Variants in ATP2A2 observed in about 807,000 individuals in gnomAD.
ATP2A2 encodes ATPase sarcoplasmic/endoplasmic reticulum Ca2+ transporting 2.
A neutral mutation model predicts 109.3 loss-of-function variants in ATP2A2; 14 were observed. The ratio of observed to expected loss-of-function variants is 0.13; its 90% CI spans 0.08 to 0.20. The LOEUF (loss-of-function observed/expected upper bound fraction) is 0.20, where lower values mean the gene tolerates loss of function less well. Ranked by LOEUF, ATP2A2 falls within the 10% of genes least tolerant of loss-of-function variation. The pLI is 1.00. For synonymous variants in ATP2A2, 506 were observed against 490.9 expected (o/e 1.03, Z -0.41); for missense variants, 657 against 1,321.6 (o/e 0.50, Z 7.80).
Position 110,327,990 on chromosome 12 carries a change from T to C in ATP2A2, c.1068T>C (p.Leu356=). The stretch of plus-strand genomic sequence containing the variant: ...TCTGCTCAGACAAGACTGGTACACT[T>C]ACAACAAACCAGATGTCAGTCTGCA... The part of the protein sequence containing the change: ...SVICSDKTGT[L]TTNQMSVCRM... The change falls in exon 8 of 20, where the codon CTT becomes CTC. Residue 356 remains leucine (L), a synonymous_variant. Coordinates refer to ENST00000539276, the MANE Select transcript of ATP2A2 (RefSeq NM_170665.4). The surrounding 1 kb of genome is among the most constrained non-coding windows in gnomAD (Gnocchi z 4.4). The C allele has an allele frequency of 6.2e-7, 1 of 1,613,992 alleles. No homozygotes were observed. Among genetic ancestry groups the C allele is most frequent in the South Asian group, 1.1e-5 (1 of 91,076 alleles).
chr12:110,333,766 GTGTT>G (rs1437401105), intron 10 of ATP2A2, among the ~76,000 whole-genome samples: 6 of 152,114 alleles, frequency 3.9e-5, no homozygotes, highest in African/African-American at 7.2e-5. Flanking sequence ...AATAAATACT[GTGTT>G]TGATGTCATC....
intron 11 of ATP2A2, among the ~76,000 whole-genome samples, chr12:110,338,460 C>A (rs1472672353): frequency 6.6e-6 from 1 of 152,094 alleles, no homozygotes; most frequent in Non-Finnish European, 1.5e-5. Context: ...TCCCTTCAGC[C>A]AATGCTTTTG....
At chr12:110,295,508 G>C (rs968336542) in intron 4 of ATP2A2, among the ~76,000 whole-genome samples, 1 of 152,190 alleles carries the variant, frequency 6.6e-6, no homozygotes, top group Non-Finnish European at 1.5e-5. Context: ...TGGGATATTT[G>C]TTTAACCTTG....
At chr12:110,300,417 C>G (rs1282489972) in intron 5 of ATP2A2, among the ~76,000 whole-genome samples, 1 of 143,562 alleles carries the variant, frequency 7.0e-6, no homozygotes, top group Admixed American at 7.2e-5. Flanking sequence ...TGCAGTGGCA[C>G]GATTGCGGCC....
intron 4 of ATP2A2, among the ~76,000 whole-genome samples, chr12:110,293,231 A>G (rs1873514814): frequency 6.6e-6 from 1 of 151,756 alleles, no homozygotes; most frequent in Non-Finnish European, 1.5e-5. Context: ...ACCTGACACC[A>G]CACCCAGCTA....
Position 110,281,422 on chromosome 12 carries a change from C to T in ATP2A2, c.-368C>T, listed in dbSNP as rs992003160. On this transcript the variant is annotated 5_prime_UTR_variant, in exon 1 of 20. Coordinates refer to ENST00000539276, the MANE Select transcript of ATP2A2 (RefSeq NM_170665.4). ...CCCTCAGTGGTCTGCCGGGCGCCCC[C>T]TCCTCCGGCCCGGGCGGGGCCTCTG... The T allele has an allele frequency of 2.6e-5, 4 of 152,484 alleles. No individual in the cohort carries two copies. Among genetic ancestry groups the T allele is most frequent in the Admixed American group, 6.6e-5 (1 of 15,260 alleles). 9.4% of individuals were successfully genotyped at this position (152,484 alleles called of 1,614,324 possible).
At chr12:110,338,160 C>T (rs1200318899) in intron 11 of ATP2A2, among the ~76,000 whole-genome samples, 1 of 152,230 alleles carries the variant, frequency 6.6e-6, no homozygotes, top group African/African-American at 2.4e-5. Context: ...TAGTCCTCAG[C>T]CATTTCTGTC....
chr12:110,343,083 T>A, intron 15 of ATP2A2, 149 bp from the exon 16 acceptor site: 1 of 862,854 alleles, frequency 1.2e-6, no homozygotes, highest in Non-Finnish European at 1.9e-6. Flanking sequence ...AAATTGAGCT[T>A]TAATTCAAAA....
At position 110,344,871 on chromosome 12, in the gene ATP2A2, T is replaced by C. The variant is rs1879694180; in HGVS notation, c.2522-15T>C. 1.2e-6 allele frequency: 2 copies of C among 1,613,872 alleles called. No homozygotes were observed. The highest frequency in any genetic ancestry group is 1.3e-5 in the African/African-American group (1 of 74,916). On this transcript the variant is annotated splice_polypyrimidine_tract_variant and intron_variant, in intron 16 of 19. Transcript: ENST00000539276. ...GCAGAGGCAAGTGCATCAGCATCAC[T>C]GTGTTTGTTCCCAGGTTACGTCGGC... is the stretch of plus-strand genomic sequence containing the variant.
In ATP2A2 at chr12:110,347,674, C is replaced by T. The variant is rs1880008435; in HGVS notation, c.*1204C>T. The T allele has an allele frequency of 8.5e-6, 10 of 1,170,016 alleles. No individual in the cohort carries two copies. In the Admixed American group the frequency reaches 1.8e-4, roughly 22 times the overall value. 72.5% of individuals were successfully genotyped at this position (1,170,016 alleles called of 1,614,324 possible). A position where few individuals can be genotyped will look rare whatever the true frequency, so the allele number is the denominator to read the frequency against. On this transcript the variant is annotated 3_prime_UTR_variant, in exon 20 of 20. Transcript: ENST00000539276. The stretch of plus-strand genomic sequence containing the variant: ...TGAATGTGGCACTAACCACCACCAC[C>T]GTTACTACGATCAATGTTTGCGCAT...
chr12:110,306,186 C>T lies in ATP2A2; in HGVS notation c.463+9449C>T, dbSNP rs199566982. ...CCCCAGTAGCTGGGACCAGAGGCGCCTGCCACCATGCCCAGCTAATGTTTT... is the reference window on the plus strand; with the variant it reads ...CCCCAGTAGCTGGGACCAGAGGCGCTTGCCACCATGCCCAGCTAATGTTTT... On this transcript the variant is annotated intron_variant, in intron 5 of 19. Transcript: ENST00000539276. Among the ~76,000 whole-genome samples, 21 of 152,258 alleles carry T rather than the reference C, an allele frequency of 1.4e-4. 1 individual carries two copies. The East Asian group carries it at 4.1e-3, about 29-fold the overall frequency.
rs144716199 is a variant in ATP2A2, at chr12:110,312,055, T to A, written c.464-10937T>A. Among the ~76,000 whole-genome samples, 119 of 152,112 alleles carry A rather than the reference T, an allele frequency of 7.8e-4. 1 individual carries two copies. The highest frequency in any genetic ancestry group is 3.4e-3 in the Middle Eastern group (1 of 292). The stretch of plus-strand genomic sequence containing the variant: ...TTTGCTGGGCATGTTGACGTGCTCC[T>A]GTAGTCCCTGCTTCTCGGGAGGCTG... On this transcript the variant is annotated intron_variant, in intron 5 of 19. Coordinates refer to ENST00000539276, the MANE Select transcript of ATP2A2 (RefSeq NM_170665.4).
chr12:110,339,434 C>T lies in ATP2A2; in HGVS notation c.1542+31C>T, dbSNP rs770755495. The T allele has an allele frequency of 1.4e-5, 22 of 1,614,134 alleles. No homozygotes were observed. The highest frequency in any genetic ancestry group is 1.9e-5 in the Non-Finnish European group (22 of 1,180,042). ...TATGGCAGATTGCAATTGAGATGTT[C>T]TTGCCAGGGTTAAGATCCCGGTGAA... On this transcript the variant is annotated intron_variant, in intron 12 of 19. Transcript: ENST00000539276. This position sits in a 1 kb window ranked among gnomAD's most constrained non-coding sequence, Gnocchi z 4.4.
At chr12:110,301,948 G>A (rs1874694034) in intron 5 of ATP2A2, among the ~76,000 whole-genome samples, 1 of 152,044 alleles carries the variant, frequency 6.6e-6, no homozygotes, top group Non-Finnish European at 1.5e-5. Flanking sequence ...TGGTGGTGAA[G>A]CTTTGATTAT....
At chr12:110,341,326 CT>C (rs1469547978) in intron 14 of ATP2A2, among the ~76,000 whole-genome samples, 14 of 152,010 alleles carry the variant, frequency 9.2e-5, no homozygotes, top group African/African-American at 3.1e-4. Context: ...GATCACCCTG[CT>C]TTTAAGTTCT....
In ATP2A2 at chr12:110,346,757, C is replaced by A. The variant is rs1592870315; in HGVS notation, c.*287C>A. On this transcript the variant is annotated 3_prime_UTR_variant, in exon 20 of 20. Transcript: ENST00000539276. ...GTACAGTGTTCTGTTTAATACTCAT[C>A]CTTGTATAAAAAAAATAGTTGAGCC... The A allele has an allele frequency of 1.6e-6, 2 of 1,213,376 alleles. No homozygotes were observed. The allele number at this position is 1,213,376 out of a possible 1,614,324, so 75.2% of individuals were successfully genotyped here.
intron 14 of ATP2A2, among the ~76,000 whole-genome samples, chr12:110,341,932 A>C (rs1414313150): frequency 6.6e-6 from 1 of 152,226 alleles, no homozygotes; most frequent in East Asian, 1.9e-4. Flanking sequence ...ATCCATGTGG[A>C]TACAAGTGCT....
At chr12:110,320,131 C>G (rs966589496) in intron 5 of ATP2A2, among the ~76,000 whole-genome samples, 1 of 152,192 alleles carries the variant, frequency 6.6e-6, no homozygotes, top group Non-Finnish European at 1.5e-5. Flanking sequence ...TTCAAATCCT[C>G]TGAGCTTCCA....
Position 110,350,849 on chromosome 12 carries a change from T to C in ATP2A2, c.*4379T>C, listed in dbSNP as rs1205903292. 1 of 162,288 alleles carries C rather than the reference T, an allele frequency of 6.2e-6. No individual in the cohort carries two copies. The highest frequency in any genetic ancestry group is 2.4e-5 in the African/African-American group (1 of 41,532). 10.1% of individuals were successfully genotyped at this position (162,288 alleles called of 1,614,324 possible). A position where few individuals can be genotyped will look rare whatever the true frequency, so the allele number is the denominator to read the frequency against. ...TTCATTTTCAGTTATTTTCTGAGTGTGCAGACAGCTATTTCGCACTGTATT... is the reference window on the plus strand; with the variant it reads ...TTCATTTTCAGTTATTTTCTGAGTGCGCAGACAGCTATTTCGCACTGTATT... On this transcript the variant is annotated 3_prime_UTR_variant, in exon 20 of 20. Transcript: ENST00000539276.
Sources: gnomAD v4.1 joint callset for allele counts (sites outside exome capture counted in the v4.1 genomes callset) on GRCh38, gnomAD v4.1.1 for gene constraint, Gnocchi (gnomAD v3.1) non-coding constraint, MANE v1.5 for transcripts, NCBI Gene and HGNC (gene_info 2026-07-23, HGNC 2026-07-21) for gene names.